LTBP2: variants seen among roughly 807,000 people sequenced by gnomAD.
The protein encoded by LTBP2 is latent transforming growth factor beta binding protein 2, also known as latent-transforming growth factor beta-binding protein 2.
A neutral mutation model predicts 210.6 loss-of-function variants in LTBP2; 103 were observed. The observed-to-expected ratio is 0.49, with a 90% CI of 0.42 to 0.58. LTBP2 has a LOEUF of 0.58. LTBP2 is among the 20% of genes least tolerant of loss of function. The pLI is 0.00. For missense variants in LTBP2, 2,313 were observed against 2,494.5 expected (o/e 0.93, Z 1.55); for synonymous variants, 1,007 against 1,015.0 (o/e 0.99, Z 0.15).
At chr14:74,521,834 G>A (rs916052958) in intron 17 of LTBP2, 77 bp downstream of exon 17, 42 of 1,586,248 alleles carry the variant, frequency 2.6e-5, no homozygotes, top group Non-Finnish European at 3.0e-5. Context: ...GGTGTTTGGG[G>A]GTGTGAACCC....
intron 8 of LTBP2, 92 bp from the exon 9 acceptor site, chr14:74,536,092 GC>G: frequency 9.1e-7 from 1 of 1,098,900 alleles, no homozygotes; most frequent in Non-Finnish European, 1.4e-6. Context: ...TGGATGTCCA[GC>G]CCACCCGGCA....
rs1399221730 is a variant in LTBP2, at chr14:74,499,774, T to C, written c.*1110A>G. Reference sequence around the variant, plus strand: ...AGAAGAGACCAGATGCACATTTCTTTATTCCACCATGGTTCTGAACTCCCA... The same window carrying C: ...AGAAGAGACCAGATGCACATTTCTTCATTCCACCATGGTTCTGAACTCCCA... On this transcript the variant is annotated 3_prime_UTR_variant, in exon 36 of 36. Coordinates refer to ENST00000261978, the MANE Select transcript of LTBP2 (RefSeq NM_000428.3). 2 of 228,308 alleles carry C rather than the reference T, an allele frequency of 8.8e-6. No individual in the cohort carries two copies. The highest frequency in any genetic ancestry group is 1.7e-5 in the Non-Finnish European group (2 of 115,094). 14.1% of individuals were successfully genotyped at this position (228,308 alleles called of 1,614,324 possible). A position where few individuals can be genotyped will look rare whatever the true frequency, so the allele number is the denominator to read the frequency against.
chr14:74,536,446 G>T (rs1219270250), intron 8 of LTBP2, among the ~76,000 whole-genome samples: 3 of 152,224 alleles, frequency 2.0e-5, no homozygotes. Context: ...CTTGAAAATT[G>T]CTAAGAGAGT....
At chr14:74,505,390 C>T (rs1182928252) in intron 28 of LTBP2, among the ~76,000 whole-genome samples, 1 of 152,200 alleles carries the variant, frequency 6.6e-6, no homozygotes, top group African/African-American at 2.4e-5. Flanking sequence ...GGGGCCTCGC[C>T]ACTGCTGTGC....
chr14:74,523,679 T>C (rs2087236780), intron 15 of LTBP2, among the ~76,000 whole-genome samples: 1 of 152,124 alleles, frequency 6.6e-6, no homozygotes. Flanking sequence ...CTGAACGGTA[T>C]CCCTAATACT....
At chr14:74,549,200 C>T (rs983336050) in intron 8 of LTBP2, among the ~76,000 whole-genome samples, 2 of 152,234 alleles carry the variant, frequency 1.3e-5, no homozygotes, top group Non-Finnish European at 2.9e-5. Context: ...CATCTGGTCA[C>T]CCTCCTCCCA....
intron 3 of LTBP2, among the ~76,000 whole-genome samples, chr14:74,561,076 T>C (rs929484482): frequency 6.6e-6 from 1 of 152,200 alleles, no homozygotes; most frequent in African/African-American, 2.4e-5. Flanking sequence ...CCTAGCACTT[T>C]GGGAGGCTGA....
In LTBP2 at chr14:74,552,374, G is replaced by T; in HGVS notation, c.1212C>A (p.Cys404Ter). The T allele has an allele frequency of 6.2e-7, 1 of 1,608,664 alleles. No individual in the cohort carries two copies. Residue 404 changes from cysteine (C) to a stop codon, truncating the protein, a stop_gained, in exon 6 of 36, where the codon TGC (cysteine) becomes TGA (stop). Coordinates refer to ENST00000261978, the MANE Select transcript of LTBP2 (RefSeq NM_000428.3). LOFTEE classifies it high-confidence loss of function. ...GFRIYFCQIP[C>*]LNGGRCIGRD... is the part of the protein sequence containing the mutation. ...TGCCGATGCAGCGGCCTCCGTTCAGGCAGGGGATCTGGCAGAAATCTGCAA... is the reference window on the plus strand; with the variant it reads ...TGCCGATGCAGCGGCCTCCGTTCAGTCAGGGGATCTGGCAGAAATCTGCAA...
chr14:74,532,059 A>G (rs778394412), intron 10 of LTBP2, among the ~76,000 whole-genome samples: 1 of 152,232 alleles, frequency 6.6e-6, no homozygotes, highest in Non-Finnish European at 1.5e-5. Context: ...GCCAAGGCTC[A>G]GCCAGACATC....
intron 3 of LTBP2, 56 bp from the exon 4 acceptor site, chr14:74,555,749 C>A (rs2087720856): frequency 7.6e-7 from 1 of 1,314,754 alleles, no homozygotes; most frequent in Admixed American, 2.7e-5. Context: ...GTGTCTGTGC[C>A]ACTCCTCATC....
rs1398897900 is a variant in LTBP2 at position 74,498,433 on chromosome 14, C to T, written c.*2451G>A. 4.8e-6 allele frequency: 1 copy of T among 206,678 alleles called. No individual in the cohort carries two copies. Among genetic ancestry groups the T allele is most frequent in the Non-Finnish European group, 9.9e-6 (1 of 101,262 alleles). 12.8% of individuals were successfully genotyped at this position (206,678 alleles called of 1,614,324 possible). A position where few individuals can be genotyped will look rare whatever the true frequency, so the allele number is the denominator to read the frequency against. ...AAAAGACAGGAAACAATGGAAACGT[C>T]TGTCAGTGAGGGACTGATTAAATAA... is the stretch of plus-strand genomic sequence containing the variant. On this transcript the variant is annotated 3_prime_UTR_variant, in exon 36 of 36. Coordinates refer to ENST00000261978, the MANE Select transcript of LTBP2 (RefSeq NM_000428.3).
chr14:74,506,354 G>A (rs2086984985), intron 27 of LTBP2, among the ~76,000 whole-genome samples, 163 bp from the exon 28 acceptor site: 1 of 152,210 alleles, frequency 6.6e-6, no homozygotes, highest in Non-Finnish European at 1.5e-5. Context: ...CAGAGGGCAT[G>A]GGAAAGAAGA....
chr14:74,536,036 G>T (rs568126186), intron 8 of LTBP2, 36 bp from the exon 9 acceptor site: 1 of 1,569,964 alleles, frequency 6.4e-7, no homozygotes, highest in East Asian at 2.2e-5. Flanking sequence ...CTCACTGGAC[G>T]GCCCCTGGGC....
At chr14:74,531,360 T>C (rs528649421) in intron 10 of LTBP2, among the ~76,000 whole-genome samples, 5 of 152,298 alleles carry the variant, frequency 3.3e-5, no homozygotes, top group African/African-American at 1.2e-4. Context: ...ATAAGTCACC[T>C]TGGATGTCAA....
At chr14:74,540,857 T>TA (rs1181757867) in intron 8 of LTBP2, among the ~76,000 whole-genome samples, 5 of 73,726 alleles carry the variant, frequency 6.8e-5, no homozygotes, top group African/African-American at 8.8e-5. Context: ...ATTATATATA[T>TA]TATATATATT....
At chr14:74,512,788 C>T (rs2087088556) in intron 18 of LTBP2, among the ~76,000 whole-genome samples, 1 of 152,212 alleles carries the variant, frequency 6.6e-6, no homozygotes, top group African/African-American at 2.4e-5. Flanking sequence ...GTAGCCCCAG[C>T]CCCTACTTGA....
Position 74,553,045 on chromosome 14 carries a change from T to C in LTBP2, c.1039A>G (p.Lys347Glu). ...SSPWGLNLTE[K>E]IKKIKIVFTP... ...AAGACGATCTTGATCTTCTTGATTT[T>C]CTCCGTGAGGTTCAGCCCTGCAGAG... Residue 347 changes from lysine to glutamate, a missense_variant, in exon 5 of 36, where the codon AAA (lysine) becomes GAA (glutamate). By Grantham distance (56) the Lys-to-Glu change is moderately conservative. Coordinates refer to ENST00000261978, the MANE Select transcript of LTBP2 (RefSeq NM_000428.3). 6.2e-7 allele frequency: 1 copy of C among 1,614,176 alleles called. No homozygotes were observed.
intron 2 of LTBP2, among the ~76,000 whole-genome samples, chr14:74,588,760 C>G (rs911031212): frequency 6.6e-6 from 1 of 152,194 alleles, no homozygotes; most frequent in African/African-American, 2.4e-5. Flanking sequence ...TTCTATGCAG[C>G]AGGTGTGACT....
chr14:74,555,547 C>T lies in LTBP2; in HGVS notation c.977G>A (p.Gly326Asp). Reference sequence around the variant, plus strand: ...CTCCAGAGGTACCGCCTGTTGGGTGCCATCTCTCTGCTCAAGGCCTGGTCC... The same window carrying T: ...CTCCAGAGGTACCGCCTGTTGGGTGTCATCTCTCTGCTCAAGGCCTGGTCC... ...PPGPGLEQRDGTQQAVPLEHP... is the reference protein window; with the variant it reads ...PPGPGLEQRDDTQQAVPLEHP... The change falls in exon 4 of 36, where the codon GGC (glycine) becomes GAC (aspartate). Residue 326 changes from glycine (G) to aspartate (D), a missense_variant. Gly to Asp is a moderately conservative substitution (Grantham distance 94). This residue lies in a region of LTBP2 where 1,867 missense variants were observed against 1,976.9 expected (regional missense o/e 0.94). Coordinates refer to ENST00000261978, the MANE Select transcript of LTBP2 (RefSeq NM_000428.3). 1 of 1,612,934 alleles carries T rather than the reference C, an allele frequency of 6.2e-7. No individual in the cohort carries two copies. The highest frequency in any genetic ancestry group is 8.5e-7 in the Non-Finnish European group (1 of 1,179,394).
Sources: allele counts gnomAD v4.1 joint callset (sites outside exome capture counted in the v4.1 genomes callset), GRCh38; gene constraint gnomAD v4.1.1; regional missense constraint gnomAD v4.1.1; transcripts MANE v1.5; gene names NCBI Gene and HGNC (gene_info 2026-07-23, HGNC 2026-07-21).